The following HEBP2 variants were observed in gnomAD, a reference collection of about 807,000 sequenced individuals.
HEBP2 encodes heme-binding protein 2.
A neutral mutation model predicts 23.1 loss-of-function variants in HEBP2; 27 were observed. The ratio of observed to expected loss-of-function variants is 1.17; its 90% confidence interval spans 0.86 to 1.61. The LOEUF is 1.61. HEBP2 is among the 40% of genes most tolerant of loss of function. The pLI is 0.00. For synonymous variants in HEBP2, 99 were observed against 95.1 expected (o/e 1.04, Z -0.24); for missense variants, 245 against 253.8 (o/e 0.97, Z 0.24).
At position 138,420,495 on chromosome 6, in the gene HEBP2, G is replaced by A. The variant is rs1446420924; in HGVS notation, c.*7417G>A. 1 of 152,258 alleles carries A rather than the reference G, an allele frequency of 6.6e-6. No individual in the cohort carries two copies. Among genetic ancestry groups the A allele is most frequent in the East Asian group, 1.9e-4 (1 of 5,204 alleles). The allele number at this position is 152,258 out of a possible 1,614,324, so 9.4% of individuals were successfully genotyped here. A position where few individuals can be genotyped will look rare whatever the true frequency, so the allele number is the denominator to read the frequency against. ...AAGATATGCCATCCAGCTGCAAGGA[G>A]TGTGGGTAGCTGGCAGCCACCAGCT... On this transcript the variant is annotated 3_prime_UTR_variant, in exon 4 of 4. Transcript: ENST00000607197.
At chr6:138,412,033 G>GA (rs1423397764) in intron 3 of HEBP2, 31 of 446,640 alleles carry the variant, frequency 6.9e-5, no homozygotes, top group African/African-American at 5.1e-4. Flanking sequence ...TCAGAGAGGT[G>GA]AAAACTGTAT....
chr6:138,413,661 C>CTT lies in HEBP2; in HGVS notation c.*584_*585dup, dbSNP rs1774792066. 1 of 152,690 alleles carries CTT rather than the reference C, an allele frequency of 6.5e-6. No individual in the cohort carries two copies. The highest frequency in any genetic ancestry group is 2.1e-4 in the South Asian group (1 of 4,832). The allele number at this position is 152,690 out of a possible 1,614,324, so 9.5% of individuals were successfully genotyped here. ...TTCATTCCTTTCTTTCTGGTCTCCA[C>CTT]TTAACCCCCTAAAAATCTTGCTTTT... On this transcript the variant is annotated 3_prime_UTR_variant, in exon 4 of 4. Transcript: ENST00000607197.
rs1774853767 is a variant in HEBP2, at chr6:138,417,187, C to G, written c.*4109C>G. 1 of 152,192 alleles carries G rather than the reference C, an allele frequency of 6.6e-6. No individual in the cohort carries two copies. The highest frequency in any genetic ancestry group is 1.5e-5 in the Non-Finnish European group (1 of 68,036). The allele number at this position is 152,192 out of a possible 1,614,324, so 9.4% of individuals were successfully genotyped here. On this transcript the variant is annotated 3_prime_UTR_variant, in exon 4 of 4. Transcript: ENST00000607197. Reference sequence around the variant, plus strand: ...TCAAAGTTTGGCTTACAGCAGATCTCCTGGGCCTGCAGGTTATCTGCCTAA... The same window carrying G: ...TCAAAGTTTGGCTTACAGCAGATCTGCTGGGCCTGCAGGTTATCTGCCTAA...
At position 138,420,943 on chromosome 6, in the gene HEBP2, A is replaced by T. The variant is rs1463135380; in HGVS notation, c.*7865A>T. 6.6e-6 allele frequency: 1 copy of T among 152,186 alleles called. No individual in the cohort carries two copies. Among genetic ancestry groups the T allele is most frequent in the Non-Finnish European group, 1.5e-5 (1 of 68,032 alleles). 9.4% of individuals were successfully genotyped at this position (152,186 alleles called of 1,614,324 possible). A position where few individuals can be genotyped will look rare whatever the true frequency, so the allele number is the denominator to read the frequency against. Reference sequence around the variant, plus strand: ...GGGCCTCCTTGTCTTTACCTAGCACATGAGAAGCATTTATTAGGACTTTTT... The same window carrying T: ...GGGCCTCCTTGTCTTTACCTAGCACTTGAGAAGCATTTATTAGGACTTTTT... On this transcript the variant is annotated 3_prime_UTR_variant, in exon 4 of 4. Transcript: ENST00000607197.
rs1414798732 is a variant in HEBP2, at chr6:138,418,461, G to A, written c.*5383G>A. On this transcript the variant is annotated 3_prime_UTR_variant, in exon 4 of 4. Coordinates refer to ENST00000607197, the MANE Select transcript of HEBP2 (RefSeq NM_014320.3). The stretch of plus-strand genomic sequence containing the variant: ...CGGAACTTTGAGACCCAGTGATGCT[G>A]TATCCAGAACTGCTCATCTTAACTA... 6.6e-6 allele frequency: 1 copy of A among 152,262 alleles called. No homozygotes were observed. The highest frequency in any genetic ancestry group is 1.5e-5 in the Non-Finnish European group (1 of 68,074). The allele number at this position is 152,262 out of a possible 1,614,324, so 9.4% of individuals were successfully genotyped here.
rs913757839 is a variant in HEBP2 at position 138,415,283 on chromosome 6, T to C, written c.*2205T>C. 1 of 152,012 alleles carries C rather than the reference T, an allele frequency of 6.6e-6. No individual in the cohort carries two copies. Among genetic ancestry groups the C allele is most frequent in the African/African-American group, 2.4e-5 (1 of 41,368 alleles). 9.4% of individuals were successfully genotyped at this position (152,012 alleles called of 1,614,324 possible). On this transcript the variant is annotated 3_prime_UTR_variant, in exon 4 of 4. Transcript: ENST00000607197. ...GGTACCAGTGGCCCACGAACGTAGG[T>C]GGTAAGACAGCATTTGCAGGCTGAG...
rs76714857 is a variant in HEBP2, at chr6:138,413,564, T to G, written c.*486T>G. ...TTACATTCTCTGTTGTATGTATTAC[T>G]TTCCCTCCTGCATCCTCCCACTGCC... On this transcript the variant is annotated 3_prime_UTR_variant, in exon 4 of 4. Coordinates refer to ENST00000607197, the MANE Select transcript of HEBP2 (RefSeq NM_014320.3). 0.12 allele frequency: 18,108 copies of G among 155,424 alleles called. 2,358 individuals are homozygous for G. The highest frequency in any genetic ancestry group is 0.33 in the African/African-American group (13,491 of 41,470). 9.6% of individuals were successfully genotyped at this position (155,424 alleles called of 1,614,324 possible).
At position 138,415,048 on chromosome 6, in the gene HEBP2, GAAAGA is replaced by G. The variant is rs2128182981; in HGVS notation, c.*1974_*1978del. 6.7e-6 allele frequency: 1 copy of G among 150,312 alleles called. No individual in the cohort carries two copies. Among genetic ancestry groups the G allele is most frequent in the East Asian group, 1.9e-4 (1 of 5,174 alleles). The allele number at this position is 150,312 out of a possible 1,614,324, so 9.3% of individuals were successfully genotyped here. ...GGTGACAGAGCAAGATCCTGTCTCA[GAAAGA>G]AAAAAAAAAGTCCTAGTCATTTCTA... On this transcript the variant is annotated 3_prime_UTR_variant, in exon 4 of 4. Transcript: ENST00000607197.
At chr6:138,408,247 C>G (rs1774683309) in intron 3 of HEBP2, among the ~76,000 whole-genome samples, 1 of 152,102 alleles carries the variant, frequency 6.6e-6, no homozygotes, top group Non-Finnish European at 1.5e-5. Context: ...GTTCTGCTTC[C>G]CTTTTGATTA....
intron 3 of HEBP2, among the ~76,000 whole-genome samples, chr6:138,409,951 C>T (rs1368499731): frequency 6.6e-6 from 1 of 152,166 alleles, no homozygotes; most frequent in African/African-American, 2.4e-5. Flanking sequence ...CCATGAAGAT[C>T]GGATGAGTTA....
intron 3 of HEBP2, among the ~76,000 whole-genome samples, chr6:138,409,989 C>G (rs1362225173): frequency 6.6e-6 from 1 of 152,194 alleles, no homozygotes; most frequent in East Asian, 1.9e-4. Flanking sequence ...GGAACATGAG[C>G]ATCAAGCATT....
Position 138,415,753 on chromosome 6 carries a change from C to T in HEBP2, c.*2675C>T, listed in dbSNP as rs1562242255. The T allele has an allele frequency of 6.6e-6, 1 of 152,160 alleles. No individual in the cohort carries two copies. Among genetic ancestry groups the T allele is most frequent in the Non-Finnish European group, 1.5e-5 (1 of 68,042 alleles). 9.4% of individuals were successfully genotyped at this position (152,160 alleles called of 1,614,324 possible). ...CTGTTAGATCAAGGTTGGAATCAAACTTGGGATCCCAAAACATGGGATGGG... is the reference window on the plus strand; with the variant it reads ...CTGTTAGATCAAGGTTGGAATCAAATTTGGGATCCCAAAACATGGGATGGG... On this transcript the variant is annotated 3_prime_UTR_variant, in exon 4 of 4. Coordinates refer to ENST00000607197, the MANE Select transcript of HEBP2 (RefSeq NM_014320.3).
At chr6:138,412,171 G>A in intron 3 of HEBP2, 1 of 387,212 alleles carries the variant, frequency 2.6e-6, no homozygotes, top group Non-Finnish European at 5.0e-6. Flanking sequence ...CTGATCAGCA[G>A]CACCGGCATG....
Position 138,412,923 on chromosome 6 carries a change from C to A in HEBP2, c.463C>A (p.Leu155Ile). The A allele has an allele frequency of 6.2e-7, 1 of 1,614,068 alleles. No individual in the cohort carries two copies. The change falls in exon 4 of 4, where the codon CTT becomes ATT. Residue 155 changes from leucine (L) to isoleucine (I), a missense_variant. Coordinates refer to ENST00000607197, the MANE Select transcript of HEBP2 (RefSeq NM_014320.3). ...TAGTGCCCAAAAGAATCAAGAACAA[C>A]TTTTGACATTAGCAAGCATTTTAAG... ...FSSAQKNQEQ[L>I]LTLASILRED...
upstream of HEBP2, chr6:138,403,812 T>C (rs1774579858): frequency 5.0e-6 from 2 of 400,868 alleles, no homozygotes; most frequent in Non-Finnish European, 8.8e-6. Context: ...GGGGAAAAGT[T>C]CAGAAACCAG....
rs1774849265 is a variant in HEBP2, at chr6:138,416,837, A to G, written c.*3759A>G. The G allele has an allele frequency of 1.3e-5, 2 of 152,236 alleles. No homozygotes were observed. The highest frequency in any genetic ancestry group is 4.8e-5 in the African/African-American group (2 of 41,454). The allele number at this position is 152,236 out of a possible 1,614,324, so 9.4% of individuals were successfully genotyped here. ...CAGGGGACTGAGAGAGATCACTCCAATTAAAAAACAAAAACATGATTCCTT... is the reference window on the plus strand; with the variant it reads ...CAGGGGACTGAGAGAGATCACTCCAGTTAAAAAACAAAAACATGATTCCTT... On this transcript the variant is annotated 3_prime_UTR_variant, in exon 4 of 4. Transcript: ENST00000607197.
intron 2 of HEBP2, 111 bp downstream of exon 2, chr6:138,405,391 C>CTTTG: frequency 7.4e-7 from 1 of 1,349,226 alleles, no homozygotes; most frequent in Non-Finnish European, 1.0e-6. Context: ...ATAAGCAAGT[C>CTTTG]ATCAAAGACT....
intron 3 of HEBP2, among the ~76,000 whole-genome samples, chr6:138,406,595 G>A (rs1209578758): frequency 6.6e-6 from 1 of 152,156 alleles, no homozygotes; most frequent in Non-Finnish European, 1.5e-5. Context: ...GTGAGGGCCC[G>A]TTTCCTGGTT....
Position 138,418,033 on chromosome 6 carries a change from C to CTT in HEBP2, c.*4956_*4957dup, listed in dbSNP as rs1774866511. 3 of 152,150 alleles carry CTT rather than the reference C, an allele frequency of 2.0e-5. No homozygotes were observed. Among genetic ancestry groups the CTT allele is most frequent in the Admixed American group, 1.3e-4 (2 of 15,266 alleles). 9.4% of individuals were successfully genotyped at this position (152,150 alleles called of 1,614,324 possible). A position where few individuals can be genotyped will look rare whatever the true frequency, so the allele number is the denominator to read the frequency against. ...GAAGGATCAAACTAATTTCAAGAAA[C>CTT]TTAACTGTGAATCAGAATAAAACCC... On this transcript the variant is annotated 3_prime_UTR_variant, in exon 4 of 4. Transcript: ENST00000607197.
Sources: gnomAD v4.1 joint callset for allele counts (sites outside exome capture counted in the v4.1 genomes callset) on GRCh38, gnomAD v4.1.1 for gene constraint, MANE v1.5 for transcripts, NCBI Gene and HGNC (gene_info 2026-07-23, HGNC 2026-07-21) for gene names.